The following FRAS1 variants were observed in gnomAD, a reference collection of about 807,000 sequenced individuals.
The protein encoded by FRAS1 is Fraser extracellular matrix complex subunit 1, also known as extracellular matrix organizing protein FRAS1.
A neutral mutation model predicts 435.2 loss-of-function variants in FRAS1; 290 were observed. The ratio of observed to expected loss-of-function variants is 0.67; its 90% CI spans 0.61 to 0.73. The LOEUF (loss-of-function observed/expected upper bound fraction) is 0.73, where lower values mean the gene tolerates loss of function less well. Among genes scored for constraint, FRAS1 ranks in the 30% least tolerant of loss-of-function variants. The probability of loss-of-function intolerance (pLI) is 0.00; values close to 1 mark genes in which losing one functional copy is unlikely to be tolerated. For missense variants in FRAS1, 4,860 were observed against 5,001.5 expected (o/e 0.97, Z 0.85); for synonymous variants, 1,800 against 1,851.0 (o/e 0.97, Z 0.71).
chr4:78,497,005 C>T, intron 60 of FRAS1, 44 bp downstream of exon 60: 1 of 1,470,766 alleles, frequency 6.8e-7, no homozygotes, highest in Non-Finnish European at 9.4e-7. Context: ...GTTGAGGGGA[C>T]ATAAACTGAT....
At chr4:78,094,634 A>G (rs1264849274) in intron 2 of FRAS1, among the ~76,000 whole-genome samples, 1 of 152,156 alleles carries the variant, frequency 6.6e-6, no homozygotes, top group Non-Finnish European at 1.5e-5. Flanking sequence ...ACCTTTCATT[A>G]AGAAAAGATG....
intron 2 of FRAS1, among the ~76,000 whole-genome samples, chr4:78,183,732 T>TTGTGTGTGTGTGTGTGTGTGTG (rs3974339): frequency 5.1e-5 from 7 of 136,940 alleles, no homozygotes; most frequent in Non-Finnish European, 6.2e-5. Context: ...TTCATTCTCT[T>TTGTGTGTGTGTGTGTGTGTGTG]TGTGTGTGTG....
intron 22 of FRAS1, among the ~76,000 whole-genome samples, 192 bp from the exon 23 acceptor site, chr4:78,369,642 TAAGA>T (rs1365542556): frequency 6.6e-6 from 1 of 152,220 alleles, no homozygotes; most frequent in African/African-American, 2.4e-5. Context: ...CTTTGTAAAA[TAAGA>T]TTACCCTTTT....
intron 2 of FRAS1, among the ~76,000 whole-genome samples, chr4:78,088,648 C>T (rs1741336302): frequency 6.6e-6 from 1 of 152,136 alleles, no homozygotes; most frequent in Non-Finnish European, 1.5e-5. Context: ...CAAAAGAAGA[C>T]ATTTATGCAG....
At chr4:78,287,686 A>G (rs181386100) in intron 14 of FRAS1, among the ~76,000 whole-genome samples, 47 of 152,330 alleles carry the variant, frequency 3.1e-4, no homozygotes, top group Non-Finnish European at 5.9e-4. Context: ...GGCTAAGTTC[A>G]TGGTATTAAT....
intron 2 of FRAS1, among the ~76,000 whole-genome samples, chr4:78,084,830 T>C (rs1878437): frequency 0.81 from 122,603 of 152,010 alleles, 49,565 homozygotes; most frequent in East Asian, 0.95. Flanking sequence ...GTTTCTTGGC[T>C]GTTACAGTGA....
chr4:78,217,023 A>T (rs970688402), intron 2 of FRAS1, among the ~76,000 whole-genome samples: 5 of 152,150 alleles, frequency 3.3e-5, no homozygotes, highest in Admixed American at 6.6e-5. Flanking sequence ...TGTTTTTAGG[A>T]TGATGTGTTA....
At chr4:78,385,280 A>G in intron 28 of FRAS1, among the ~76,000 whole-genome samples, 1 of 152,234 alleles carries the variant, frequency 6.6e-6, no homozygotes, top group South Asian at 2.1e-4. Flanking sequence ...AAGAGAGTGG[A>G]ATATTCTCCT....
chr4:78,346,431 G>T (rs1730607186), intron 20 of FRAS1, among the ~76,000 whole-genome samples: 1 of 152,194 alleles, frequency 6.6e-6, no homozygotes. Flanking sequence ...TACCCAACGT[G>T]TCACAGTTAG....
At chr4:78,385,142 C>T (rs1488663441) in intron 28 of FRAS1, among the ~76,000 whole-genome samples, 2 of 152,076 alleles carry the variant, frequency 1.3e-5, no homozygotes, top group East Asian at 3.9e-4. Context: ...CATTCATCTC[C>T]ATCAAGTTGT....
intron 2 of FRAS1, among the ~76,000 whole-genome samples, chr4:78,110,448 A>C (rs886692801): frequency 1.0e-5 from 1 of 100,274 alleles, no homozygotes; most frequent in Middle Eastern, 4.4e-3. Flanking sequence ...ATAATGCCGC[A>C]TGTCTACAAC....
intron 2 of FRAS1, among the ~76,000 whole-genome samples, chr4:78,149,330 T>A (rs936095520): frequency 6.6e-6 from 1 of 152,204 alleles, no homozygotes; most frequent in Non-Finnish European, 1.5e-5. Flanking sequence ...TGCTGAGGAC[T>A]TGGCTTTTCT....
chr4:78,475,789 C>T (rs1387606585), intron 54 of FRAS1, among the ~76,000 whole-genome samples, 183 bp downstream of exon 54: 1 of 152,246 alleles, frequency 6.6e-6, no homozygotes, highest in Non-Finnish European at 1.5e-5. Context: ...CTCTAACCTC[C>T]ATTGAAGTTT....
Position 78,506,466 on chromosome 4 carries a change from C to T in FRAS1, c.9317-955C>T, listed in dbSNP as rs115346536. On this transcript the variant is annotated intron_variant, in intron 61 of 73. Coordinates refer to ENST00000512123, the MANE Select transcript of FRAS1 (RefSeq NM_025074.7). ...TTAAGCCTCAGCAATTGCAGACACC[C>T]CTCCCCCAGCCAGGCTACAGCCTCG... is the stretch of plus-strand genomic sequence containing the variant. Among the ~76,000 whole-genome samples, 548 of 152,354 alleles carry T rather than the reference C, an allele frequency of 3.6e-3. 4 individuals are homozygous for T. Among genetic ancestry groups the T allele is most frequent in the African/African-American group, 0.012 (510 of 41,582 alleles).
chr4:78,454,459 A>G (rs1719126590), intron 47 of FRAS1, among the ~76,000 whole-genome samples: 4 of 152,198 alleles, frequency 2.6e-5, no homozygotes, highest in Admixed American at 2.6e-4. Flanking sequence ...CAGATTGGCT[A>G]AAATCCCTAG....
At chr4:78,276,058 A>C (rs574852842) in intron 9 of FRAS1, among the ~76,000 whole-genome samples, 2 of 152,132 alleles carry the variant, frequency 1.3e-5, no homozygotes, top group Non-Finnish European at 2.9e-5. Flanking sequence ...GCTTCATTTC[A>C]TTCATTTGAT....
chr4:78,520,261 T>A (rs1353782931), intron 67 of FRAS1, among the ~76,000 whole-genome samples: 3 of 151,666 alleles, frequency 2.0e-5, no homozygotes, highest in Non-Finnish European at 2.9e-5. Flanking sequence ...TTCTTGTTTT[T>A]TTTTTTTTCC....
intron 35 of FRAS1, among the ~76,000 whole-genome samples, chr4:78,428,479 T>A (rs1009998103): frequency 6.6e-6 from 1 of 152,160 alleles, no homozygotes; most frequent in African/African-American, 2.4e-5. Context: ...CCCGCCAACA[T>A]GCCTGGCTAA....
chr4:78,190,946 T>A (rs1722505733), intron 2 of FRAS1, among the ~76,000 whole-genome samples: 1 of 152,120 alleles, frequency 6.6e-6, no homozygotes, highest in Non-Finnish European at 1.5e-5. Flanking sequence ...AAGAGTGGGA[T>A]CTTGATCCCA....
Sources: allele counts gnomAD v4.1 joint callset (sites outside exome capture counted in the v4.1 genomes callset), GRCh38; gene constraint gnomAD v4.1.1; transcripts MANE v1.5; gene names NCBI Gene and HGNC (gene_info 2026-07-23, HGNC 2026-07-21).